Variants in OSBPL8 observed in about 807,000 individuals in gnomAD.
OSBPL8 encodes the protein oxysterol binding protein like 8.
In OSBPL8, 59 loss-of-function variants were observed where a neutral mutation model predicts 125.5. The observed-to-expected ratio is 0.47, with a 90% CI of 0.38 to 0.58. The LOEUF (loss-of-function observed/expected upper bound fraction) is 0.58. OSBPL8 is among the 20% of genes least tolerant of loss of function. OSBPL8 has a pLI of 0.00. For synonymous variants in OSBPL8, 330 were observed against 338.9 expected (o/e 0.97, Z 0.29); for missense variants, 758 against 1,047.8 (o/e 0.72, Z 3.82).
chr12:76,431,391 A>G (rs2136575832), intron 4 of OSBPL8, among the ~76,000 whole-genome samples: 1 of 152,276 alleles, frequency 6.6e-6, no homozygotes, highest in Middle Eastern at 3.4e-3. Context: ...TCAATGAACA[A>G]TATGGCAAGA....
intron 1 of OSBPL8, among the ~76,000 whole-genome samples, chr12:76,506,488 A>G (rs895660622): frequency 6.6e-6 from 1 of 152,266 alleles, no homozygotes; most frequent in Non-Finnish European, 1.5e-5. Context: ...GAGGTGCTCC[A>G]GTATTAAAGA....
chr12:76,448,549 C>T (rs1027467623), intron 4 of OSBPL8, among the ~76,000 whole-genome samples: 5 of 151,978 alleles, frequency 3.3e-5, no homozygotes, highest in Admixed American at 2.0e-4. Flanking sequence ...TTCAGGTCTT[C>T]CAAAAAGCAT....
At chr12:76,448,576 C>T (rs1337733945) in intron 4 of OSBPL8, among the ~76,000 whole-genome samples, 1 of 152,126 alleles carries the variant, frequency 6.6e-6, no homozygotes, top group Admixed American at 6.5e-5. Flanking sequence ...AACAAAAATG[C>T]TAACTTTTCA....
At chr12:76,487,884 A>C (rs1413902658) in intron 1 of OSBPL8, among the ~76,000 whole-genome samples, 1 of 152,192 alleles carries the variant, frequency 6.6e-6, no homozygotes, top group African/African-American at 2.4e-5. Flanking sequence ...GCATAAATCT[A>C]CTTACAACTA....
At chr12:76,457,236 A>G (rs548840191) in intron 3 of OSBPL8, among the ~76,000 whole-genome samples, 1 of 152,316 alleles carries the variant, frequency 6.6e-6, no homozygotes, top group South Asian at 2.1e-4. Context: ...GTAGTACGGT[A>G]TGTACTAGTT....
chr12:76,493,795 CT>C (rs1248792931), intron 1 of OSBPL8, among the ~76,000 whole-genome samples: 40 of 152,034 alleles, frequency 2.6e-4, no homozygotes, highest in Non-Finnish European at 4.3e-4. Flanking sequence ...TTTAAATAAG[CT>C]TTCTGTCTCT....
chr12:76,462,552 G>A (rs1874865713), intron 2 of OSBPL8, among the ~76,000 whole-genome samples: 1 of 152,056 alleles, frequency 6.6e-6, no homozygotes, highest in Non-Finnish European at 1.5e-5. Flanking sequence ...ATAGCAGTAA[G>A]CAAAACAGAC....
chr12:76,356,746 A>G lies in OSBPL8; in HGVS notation c.2435-18T>C. The G allele has an allele frequency of 6.7e-7, 1 of 1,499,220 alleles. No homozygotes were observed. Among genetic ancestry groups the G allele is most frequent in the Non-Finnish European group, 9.2e-7 (1 of 1,086,132 alleles). 92.9% of individuals were successfully genotyped at this position (1,499,220 alleles called of 1,614,324 possible). On this transcript the variant is annotated intron_variant, in intron 22 of 23. Transcript: ENST00000261183. ...TGATTGAGCTAAAAAGACATTTAGA[A>G]TGAAGTTGAAACTATAAAAATAATC...
chr12:76,381,782 T>A (rs941399274), intron 15 of OSBPL8, among the ~76,000 whole-genome samples: 2 of 151,856 alleles, frequency 1.3e-5, no homozygotes, highest in African/African-American at 4.8e-5. Flanking sequence ...TTGCCCAGGC[T>A]GGAGTGCAGT....
rs372780726 is a variant in OSBPL8 at position 76,355,882 on chromosome 12, A to G, written c.*7T>C. 7.4e-6 allele frequency: 12 copies of G among 1,612,852 alleles called. No individual in the cohort carries two copies. The African/African-American group carries it at 1.3e-4, about 18-fold the overall frequency. ...TTCTAGTTCACTGATTCAATGGTAG[A>G]GAACTTCTACTTGAACATGAAGTTT... is the stretch of plus-strand genomic sequence containing the variant. On this transcript the variant is annotated 3_prime_UTR_variant, in exon 24 of 24. Coordinates refer to ENST00000261183, the MANE Select transcript of OSBPL8 (RefSeq NM_020841.5).
chr12:76,508,340 A>G (rs1353902863), intron 1 of OSBPL8, among the ~76,000 whole-genome samples: 1 of 152,234 alleles, frequency 6.6e-6, no homozygotes, highest in East Asian at 1.9e-4. Context: ...GCCATACCAT[A>G]TAAGGATGTT....
intron 2 of OSBPL8, among the ~76,000 whole-genome samples, chr12:76,468,064 G>A (rs1875681732): frequency 6.6e-6 from 1 of 152,098 alleles, no homozygotes; most frequent in African/African-American, 2.4e-5. Flanking sequence ...CCTGAGTATT[G>A]TATATAAATT....
chr12:76,464,242 C>T (rs1388520775), intron 2 of OSBPL8, among the ~76,000 whole-genome samples: 1 of 152,136 alleles, frequency 6.6e-6, no homozygotes, highest in African/African-American at 2.4e-5. Flanking sequence ...CACCTGTGAA[C>T]AGCCACTGCA....
In OSBPL8 at chr12:76,353,488, A is replaced by G. The variant is rs919968791; in HGVS notation, c.*2401T>C. On this transcript the variant is annotated 3_prime_UTR_variant, in exon 24 of 24. Transcript: ENST00000261183. ...TGGTCATAAGGTCATAAATCCTAGA[A>G]ACCCTCATGAGGCTCTCAGACAACT... The G allele has an allele frequency of 1.3e-5, 2 of 152,046 alleles. No homozygotes were observed. Among genetic ancestry groups the G allele is most frequent in the African/African-American group, 4.8e-5 (2 of 41,446 alleles). The allele number at this position is 152,046 out of a possible 1,614,324, so 9.4% of individuals were successfully genotyped here. A position where few individuals can be genotyped will look rare whatever the true frequency, so the allele number is the denominator to read the frequency against.
In OSBPL8 at chr12:76,355,840, C is replaced by G; in HGVS notation, c.*49G>C. ...ACCAAACCAACTTGAACACTGGTCC[C>G]AGGCCAAATCAGATCTTTCTAGTTC... On this transcript the variant is annotated 3_prime_UTR_variant, in exon 24 of 24. Coordinates refer to ENST00000261183, the MANE Select transcript of OSBPL8 (RefSeq NM_020841.5). 4 of 1,578,732 alleles carry G rather than the reference C, an allele frequency of 2.5e-6. No individual in the cohort carries two copies. Among genetic ancestry groups the G allele is most frequent in the Non-Finnish European group, 3.4e-6 (4 of 1,164,048 alleles).
At chr12:76,551,235 A>T (rs1284048142) in intron 1 of OSBPL8, among the ~76,000 whole-genome samples, 1 of 152,202 alleles carries the variant, frequency 6.6e-6, no homozygotes, top group African/African-American at 2.4e-5. Context: ...TTAATTAAGG[A>T]TAATAGTTTC....
At chr12:76,519,778 G>A (rs1227880230) in intron 1 of OSBPL8, among the ~76,000 whole-genome samples, 3 of 152,120 alleles carry the variant, frequency 2.0e-5, no homozygotes, top group African/African-American at 4.8e-5. Context: ...TAGGGGGAAT[G>A]TCCCAGACTC....
chr12:76,366,266 A>G (rs540276628), intron 21 of OSBPL8, among the ~76,000 whole-genome samples: 1 of 152,254 alleles, frequency 6.6e-6, no homozygotes, highest in East Asian at 1.9e-4. Context: ...TTACAGCTCT[A>G]TTGAGATTTT....
chr12:76,545,578 A>G (rs1360552908), intron 1 of OSBPL8, among the ~76,000 whole-genome samples: 1 of 152,202 alleles, frequency 6.6e-6, no homozygotes, highest in Non-Finnish European at 1.5e-5. Context: ...AAATTTATTC[A>G]TATTTCAATA....
Sources: allele counts gnomAD v4.1 joint callset (sites outside exome capture counted in the v4.1 genomes callset), GRCh38; gene constraint gnomAD v4.1.1; transcripts MANE v1.5; gene names NCBI Gene and HGNC (gene_info 2026-07-23, HGNC 2026-07-21).